SUSD1: variants seen among roughly 807,000 people sequenced by gnomAD.
SUSD1 encodes the protein sushi domain-containing protein 1.
SUSD1 carries 65 observed loss-of-function variants against 86.9 expected under a neutral mutation model. That is an observed-to-expected ratio of 0.75 (90% CI 0.61 to 0.92). The LOEUF (loss-of-function observed/expected upper bound fraction) is 0.92. Among genes scored for constraint, SUSD1 ranks in the 40% least tolerant of loss-of-function variants. The pLI is 0.00. For missense variants in SUSD1, 850 were observed against 929.7 expected (o/e 0.91, Z 1.11); for synonymous variants, 346 against 350.0 (o/e 0.99, Z 0.13).
intron 1 of SUSD1, among the ~76,000 whole-genome samples, chr9:112,161,313 G>A (rs1833557912): frequency 6.6e-6 from 1 of 151,422 alleles, no homozygotes; most frequent in Admixed American, 6.6e-5. Context: ...CCTGGAGGCA[G>A]AGGTTGCAGT....
At chr9:112,096,528 A>T (rs1224506905) in intron 10 of SUSD1, among the ~76,000 whole-genome samples, 1 of 152,058 alleles carries the variant, frequency 6.6e-6, no homozygotes, top group Non-Finnish European at 1.5e-5. Context: ...TTACAAGGAG[A>T]GGTGGATTTA....
chr9:112,070,722 C>CAA (rs149334379), intron 12 of SUSD1, among the ~76,000 whole-genome samples: 40 of 149,390 alleles, frequency 2.7e-4, no homozygotes, highest in African/African-American at 8.6e-4. Context: ...ATTTGCTCTG[C>CAA]AAAAAAAAAT....
chr9:112,091,661 A>G (rs1830210761), intron 10 of SUSD1, among the ~76,000 whole-genome samples: 1 of 152,210 alleles, frequency 6.6e-6, no homozygotes, highest in Non-Finnish European at 1.5e-5. Flanking sequence ...GTCATAAAGA[A>G]TGGCTATAAA....
intron 12 of SUSD1, 32 bp from the exon 13 acceptor site, chr9:112,063,065 A>G: frequency 7.2e-7 from 1 of 1,396,878 alleles, no homozygotes. Context: ...GAAAAGGGGT[A>G]TGATTGGAAC....
chr9:112,118,475 G>A (rs933474432), intron 6 of SUSD1, among the ~76,000 whole-genome samples: 3 of 152,118 alleles, frequency 2.0e-5, no homozygotes, highest in Admixed American at 6.6e-5. Context: ...GATTTTTGGT[G>A]GCACGCGAAT....
At chr9:112,041,704 A>C (rs1056272573) in intron 16 of SUSD1, among the ~76,000 whole-genome samples, 163 bp downstream of exon 16, 1 of 152,150 alleles carries the variant, frequency 6.6e-6, no homozygotes, top group South Asian at 2.1e-4. Context: ...ACCTGGAGGT[A>C]CAGGGTTAGT....
intron 1 of SUSD1, among the ~76,000 whole-genome samples, chr9:112,166,588 G>C (rs150775851): frequency 2.0e-5 from 3 of 152,152 alleles, no homozygotes; most frequent in Non-Finnish European, 2.9e-5. Flanking sequence ...ACCAAGTCTC[G>C]ATTGCCACAT....
intron 6 of SUSD1, among the ~76,000 whole-genome samples, chr9:112,115,808 C>CAAAAAAAAAAAAA (rs1406590665): frequency 1.0e-4 from 6 of 59,514 alleles, no homozygotes; most frequent in African/African-American, 2.4e-4. Flanking sequence ...GACTCCATTG[C>CAAAAAAAAAAAAA]AAAAAAAAAA....
chr9:112,156,497 C>T (rs1833330294), intron 2 of SUSD1, among the ~76,000 whole-genome samples: 1 of 152,098 alleles, frequency 6.6e-6, no homozygotes, highest in African/African-American at 2.4e-5. Context: ...GCTTCGAACT[C>T]CTGGGCTCAA....
intron 13 of SUSD1, 92 bp from the exon 14 acceptor site, chr9:112,058,778 C>T (rs983089229): frequency 1.3e-6 from 2 of 1,497,182 alleles, no homozygotes; most frequent in African/African-American, 2.8e-5. Context: ...ATGAGACAAA[C>T]CTCTTTCTTT....
intron 5 of SUSD1, among the ~76,000 whole-genome samples, chr9:112,133,599 C>G (rs1383035103): frequency 6.6e-6 from 1 of 152,172 alleles, no homozygotes; most frequent in African/African-American, 2.4e-5. Flanking sequence ...TATAAGACCA[C>G]AAACTGTAAG....
intron 15 of SUSD1, among the ~76,000 whole-genome samples, chr9:112,051,703 T>C (rs1188309695): frequency 6.6e-6 from 1 of 152,082 alleles, no homozygotes; most frequent in Non-Finnish European, 1.5e-5. Flanking sequence ...AGTGCTGGGA[T>C]TACAGTTTTT....
intron 14 of SUSD1, among the ~76,000 whole-genome samples, chr9:112,058,092 C>CAGGG (rs2118952489): frequency 6.6e-6 from 1 of 152,274 alleles, no homozygotes; most frequent in Admixed American, 6.5e-5. Flanking sequence ...AGCAGCCTGG[C>CAGGG]AGGGGCACAA....
chr9:112,090,823 A>T (rs528397250), intron 10 of SUSD1, among the ~76,000 whole-genome samples: 4 of 152,320 alleles, frequency 2.6e-5, no homozygotes, highest in Non-Finnish European at 4.4e-5. Flanking sequence ...TAGACTAAAA[A>T]GTATGTGACC....
intron 12 of SUSD1, among the ~76,000 whole-genome samples, chr9:112,071,831 TC>T (rs958122767): frequency 1.3e-5 from 2 of 152,204 alleles, no homozygotes; most frequent in Non-Finnish European, 1.5e-5. Flanking sequence ...GCATGATGGT[TC>T]TTTTCTAATC....
At position 112,140,403 on chromosome 9, in the gene SUSD1, T is replaced by C. The variant is rs536510739; in HGVS notation, c.706+1917A>G. On this transcript the variant is annotated intron_variant, in intron 5 of 16. Transcript: ENST00000374270. ...AAAAAATACAAAAATTGTCCAGGCA[T>C]GGTAGTTCGTGCCTGTAGTCCAGTT... is the stretch of plus-strand genomic sequence containing the variant. Among the ~76,000 whole-genome samples, 66 of 148,504 alleles carry C rather than the reference T, an allele frequency of 4.4e-4. 1 individual carries two copies. Among genetic ancestry groups the C allele is most frequent in the African/African-American group, 1.5e-3 (63 of 40,696 alleles).
chr9:112,161,820 CAAAA>C (rs11354546), intron 1 of SUSD1, among the ~76,000 whole-genome samples: 5 of 119,556 alleles, frequency 4.2e-5, no homozygotes, highest in African/African-American at 9.2e-5. Flanking sequence ...AGACTCCATC[CAAAA>C]AAAAAAAAAA....
chr9:112,137,872 T>C (rs570429717), intron 5 of SUSD1: 1 of 152,204 alleles, frequency 6.6e-6, no homozygotes, highest in East Asian at 1.9e-4. Context: ...AAGTATGACA[T>C]GCAAATGCAT....
At chr9:112,126,517 G>A (rs1831780924) in intron 5 of SUSD1, among the ~76,000 whole-genome samples, 3 of 152,142 alleles carry the variant, frequency 2.0e-5, no homozygotes, top group Non-Finnish European at 4.4e-5. Context: ...AGGGATTAAG[G>A]CTCAAAGGCT....
Sources: gnomAD v4.1 joint callset for allele counts (sites outside exome capture counted in the v4.1 genomes callset) on GRCh38, gnomAD v4.1.1 for gene constraint, MANE v1.5 for transcripts, NCBI Gene and HGNC (gene_info 2026-07-23, HGNC 2026-07-21) for gene names.